SLCO4C1: variants seen among roughly 807,000 people sequenced by gnomAD.
SLCO4C1 encodes the protein organic anion transporter M1.
Under a neutral mutation model 72.1 loss-of-function variants are expected in SLCO4C1, and 58 were observed. The observed-to-expected ratio is 0.80, with a 90% CI of 0.65 to 1.00. The LOEUF is 1.00. SLCO4C1 is among the 50% of genes least tolerant of loss of function. The pLI is 0.00. For missense variants in SLCO4C1, 898 were observed against 857.9 expected (o/e 1.05, Z -0.58); for synonymous variants, 297 against 312.5 (o/e 0.95, Z 0.52).
chr5:102,290,328 G>A (rs545620912), intron 2 of SLCO4C1, among the ~76,000 whole-genome samples: 1 of 152,300 alleles, frequency 6.6e-6, no homozygotes, highest in East Asian at 1.9e-4. Context: ...TTTTAGGCGT[G>A]AGCCCCCACG....
At chr5:102,246,707 A>G (rs1290443927) in intron 10 of SLCO4C1, among the ~76,000 whole-genome samples, 1 of 152,190 alleles carries the variant, frequency 6.6e-6, no homozygotes, top group African/African-American at 2.4e-5. Context: ...TAGGAAAGAT[A>G]TACAAAGACT....
At chr5:102,277,752 C>A (rs139807630) in intron 2 of SLCO4C1, among the ~76,000 whole-genome samples, 1 of 145,780 alleles carries the variant, frequency 6.9e-6, no homozygotes, top group Admixed American at 7.0e-5. Flanking sequence ...GTAGTTAAGA[C>A]AGAAGATTTA....
rs1749551124 is a variant in SLCO4C1 at position 102,291,513 on chromosome 5, C to T, written c.449G>A (p.Ser150Asn). The change falls in exon 2 of 13, where the codon AGC becomes AAC. Residue 150 changes from serine (S) to asparagine (N), a missense_variant. Coordinates refer to ENST00000310954, the MANE Select transcript of SLCO4C1 (RefSeq NM_180991.5). ...CAACAAACAGAATGAAATATCGTAG[C>T]TTGATGAAATCAGGCCAGTCAGGGA... ...KSSLTGLISS[S>N]YDISFCLLSL... The T allele has an allele frequency of 6.2e-7, 1 of 1,614,070 alleles. No homozygotes were observed. Among genetic ancestry groups the T allele is most frequent in the South Asian group, 1.1e-5 (1 of 91,084 alleles).
chr5:102,263,770 A>C lies in SLCO4C1; in HGVS notation c.813T>G (p.Tyr271Ter). ...HKSSLYIGTG[Y>*]AMSILGPAIG... The stretch of plus-strand genomic sequence containing the variant: ...TAGCAGGGCCTAAGATTGACATAGC[A>C]TAACCGGTTCCTAGAAGAAGAACAG... Residue 271 changes from tyrosine (Y) to a stop codon, truncating the protein, a stop_gained, in exon 4 of 13, where the codon TAT becomes TAG. Coordinates refer to ENST00000310954, the MANE Select transcript of SLCO4C1 (RefSeq NM_180991.5). LOFTEE classifies it high-confidence loss of function. 6.2e-7 allele frequency: 1 copy of C among 1,612,206 alleles called. No individual in the cohort carries two copies. Among genetic ancestry groups the C allele is most frequent in the Non-Finnish European group, 8.5e-7 (1 of 1,178,776 alleles).
rs533129837 is a variant in SLCO4C1 at position 102,287,388 on chromosome 5, AG to A, written c.619+3954del. Reference sequence around the variant, plus strand: ...AATCATTCAATATAGTTAATAACTTAGTATGAGTAATAAGCATACACTTTTG... The same window carrying A: ...AATCATTCAATATAGTTAATAACTTATATGAGTAATAAGCATACACTTTTG... On this transcript the variant is annotated intron_variant, in intron 2 of 12. Transcript: ENST00000310954. 3.4e-3 allele frequency among the ~76,000 whole-genome samples: 522 copies of A among 152,292 alleles called. 1 individual carries two copies. Among genetic ancestry groups the A allele is most frequent in the Non-Finnish European group, 6.3e-3 (431 of 68,012 alleles).
chr5:102,274,367 T>C (rs1749209312), intron 2 of SLCO4C1, among the ~76,000 whole-genome samples: 1 of 152,174 alleles, frequency 6.6e-6, no homozygotes, highest in South Asian at 2.1e-4. Context: ...TACCCACTAA[T>C]ATTGGCAGGT....
At chr5:102,256,282 G>T (rs940060726) in intron 8 of SLCO4C1, among the ~76,000 whole-genome samples, 11 of 152,188 alleles carry the variant, frequency 7.2e-5, no homozygotes, top group African/African-American at 2.7e-4. Flanking sequence ...TAATGTAAAA[G>T]AATCACAGAT....
intron 2 of SLCO4C1, among the ~76,000 whole-genome samples, chr5:102,288,530 C>A (rs1749496346): frequency 6.6e-6 from 1 of 152,198 alleles, no homozygotes; most frequent in Non-Finnish European, 1.5e-5. Context: ...CTCCCATTTA[C>A]TCTTGTCTCT....
intron 2 of SLCO4C1, 53 bp from the exon 3 acceptor site, chr5:102,270,859 T>C: frequency 5.8e-6 from 8 of 1,376,690 alleles, no homozygotes; most frequent in Non-Finnish European, 7.9e-6. Context: ...ATAATTTAAA[T>C]TTCTATCATA....
In SLCO4C1 at chr5:102,296,009, T is replaced by C. The variant is rs1345728828; in HGVS notation, c.254A>G (p.Glu85Gly). The C allele has an allele frequency of 1.2e-6, 2 of 1,614,214 alleles. No homozygotes were observed. Residue 85 changes from glutamate (E) to glycine (G), a missense_variant, in exon 1 of 13, where the codon GAG becomes GGG. By Grantham distance (98) the Glu-to-Gly change is moderately conservative. Coordinates refer to ENST00000310954, the MANE Select transcript of SLCO4C1 (RefSeq NM_180991.5). ...LRSLSLSEFE[E>G]GSYGWRNFHP... ...GAAGTTCCTCCAGCCGTAAGACCCC[T>C]CCTCAAACTCGGACAGCGACAGTGA...
chr5:102,242,722 C>T (rs554169043), intron 10 of SLCO4C1, among the ~76,000 whole-genome samples: 17 of 152,226 alleles, frequency 1.1e-4, no homozygotes, highest in South Asian at 1.0e-3. Flanking sequence ...ACATTGAGGG[C>T]GTTGGGTGAG....
intron 9 of SLCO4C1, 59 bp downstream of exon 9, chr5:102,249,579 G>C: frequency 6.3e-7 from 1 of 1,585,264 alleles, no homozygotes; most frequent in Non-Finnish European, 8.6e-7. Flanking sequence ...CATTAGAGAA[G>C]TCAAGATAAT....
rs1470885504 is a variant in SLCO4C1, at chr5:102,295,947, C to T, written c.316G>A (p.Gly106Ser). 1.2e-6 allele frequency: 2 copies of T among 1,614,238 alleles called. No homozygotes were observed. Among genetic ancestry groups the T allele is most frequent in the Non-Finnish European group, 1.7e-6 (2 of 1,180,038 alleles). Residue 106 changes from glycine to serine, a missense_variant, in exon 1 of 13, where the codon GGC becomes AGC. By Grantham distance (56) the Gly-to-Ser change is moderately conservative. Coordinates refer to ENST00000310954, the MANE Select transcript of SLCO4C1 (RefSeq NM_180991.5). ...AAGAGGCAGTAGTGAAGCAGAAAGC[C>T]TCCAGGTGTGTTGCAGCGCTGGAGA... ...QCLQRCNTPG[G>S]FLLHYCLLAV...
chr5:102,256,168 C>T (rs1310999931), intron 8 of SLCO4C1, among the ~76,000 whole-genome samples: 4 of 152,100 alleles, frequency 2.6e-5, no homozygotes. Flanking sequence ...TGTGCCACTG[C>T]ACTCCAGCCT....
At chr5:102,292,100 C>T (rs1749568643) in intron 1 of SLCO4C1, among the ~76,000 whole-genome samples, 1 of 152,172 alleles carries the variant, frequency 6.6e-6, no homozygotes, top group East Asian at 1.9e-4. Flanking sequence ...GCTGGGATTA[C>T]AGGTGTGAGC....
chr5:102,250,994 T>C (rs2112347687), intron 8 of SLCO4C1, among the ~76,000 whole-genome samples: 1 of 150,380 alleles, frequency 6.6e-6, no homozygotes, highest in Non-Finnish European at 1.5e-5. Context: ...ACAAAAAAAA[T>C]CGTAAAAAAT....
intron 2 of SLCO4C1, among the ~76,000 whole-genome samples, chr5:102,272,358 CCATTTTACAGTGCTT>C (rs1026034818): frequency 6.6e-6 from 1 of 151,952 alleles, no homozygotes; most frequent in African/African-American, 2.4e-5. Flanking sequence ...CAGCTATAAC[CCATTTTACAGTGCTT>C]CATGAAAAGC....
intron 10 of SLCO4C1, among the ~76,000 whole-genome samples, chr5:102,242,682 C>T (rs1748567658): frequency 6.6e-6 from 1 of 152,104 alleles, no homozygotes; most frequent in Non-Finnish European, 1.5e-5. Flanking sequence ...GCCCTTGGGC[C>T]TGAATAACCA....
intron 3 of SLCO4C1, among the ~76,000 whole-genome samples, chr5:102,269,078 C>T (rs1322790831): frequency 6.6e-6 from 1 of 151,930 alleles, no homozygotes; most frequent in Admixed American, 6.6e-5. Flanking sequence ...TGACGCTCTT[C>T]TTTTGTTATT....
Sources: gnomAD v4.1 joint callset for allele counts (sites outside exome capture counted in the v4.1 genomes callset) on GRCh38, gnomAD v4.1.1 for gene constraint, MANE v1.5 for transcripts, NCBI Gene and HGNC (gene_info 2026-07-23, HGNC 2026-07-21) for gene names.